Variants in PCDHA11 observed in about 807,000 individuals in gnomAD.
The protein encoded by PCDHA11 is protocadherin alpha 11.
In PCDHA11, 61 loss-of-function variants were observed where a neutral mutation model predicts 70.3. The observed-to-expected ratio is 0.87, with a 90% CI of 0.71 to 1.07. The LOEUF is 1.07. Ranked by LOEUF, PCDHA11 falls within the 50% of genes least tolerant of loss-of-function variation. PCDHA11 has a pLI of 0.00. For missense variants in PCDHA11, 1,324 were observed against 1,237.5 expected (o/e 1.07, Z -1.05); for synonymous variants, 633 against 555.1 (o/e 1.14, Z -1.97).
chr5:140,930,824 T>C (rs545304113), intron 1 of PCDHA11, among the ~76,000 whole-genome samples: 16 of 152,342 alleles, frequency 1.1e-4, no homozygotes, highest in African/African-American at 3.8e-4. Context: ...TAGTAAATGC[T>C]GACTGAATGA....
chr5:140,966,958 G>T (rs561982676), intron 1 of PCDHA11: 4 of 1,602,380 alleles, frequency 2.5e-6, no homozygotes, highest in African/African-American at 2.7e-5. Context: ...TGGCTCGCGC[G>T]CTGGGGCTTG....
intron 1 of PCDHA11, among the ~76,000 whole-genome samples, chr5:140,964,060 G>A (rs1187796756): frequency 6.6e-6 from 1 of 152,200 alleles, no homozygotes; most frequent in Non-Finnish European, 1.5e-5. Context: ...GTGTGGTCAA[G>A]GCATTAGTGT....
intron 1 of PCDHA11, chr5:140,875,499 G>A (rs782342111): frequency 1.9e-6 from 3 of 1,613,354 alleles, no homozygotes; most frequent in Non-Finnish European, 2.5e-6. Context: ...CAAGAGGCCC[G>A]GGATCCCAGC....
At chr5:140,959,688 T>G (rs1000595466) in intron 1 of PCDHA11, among the ~76,000 whole-genome samples, 20 of 152,318 alleles carry the variant, frequency 1.3e-4, no homozygotes, top group African/African-American at 4.8e-4. Flanking sequence ...ATAATTTCAA[T>G]AAAATGAGCT....
chr5:140,917,817 T>C (rs2078372214), intron 1 of PCDHA11, among the ~76,000 whole-genome samples: 1 of 152,162 alleles, frequency 6.6e-6, no homozygotes, highest in Non-Finnish European at 1.5e-5. Flanking sequence ...TAGTTGAAGT[T>C]GGGTAGTGTG....
chr5:141,002,128 C>T (rs1426506599), intron 3 of PCDHA11, among the ~76,000 whole-genome samples: 1 of 152,244 alleles, frequency 6.6e-6, no homozygotes, highest in African/African-American at 2.4e-5. Context: ...ATTTAATAGC[C>T]TTTGCCGGCT....
Position 140,919,359 on chromosome 5 carries a change from G to A in PCDHA11, c.2391+47865G>A, listed in dbSNP as rs188480486. Among the ~76,000 whole-genome samples, 421 of 152,262 alleles carry A rather than the reference G, an allele frequency of 2.8e-3. 2 individuals carry two copies. The highest frequency in any genetic ancestry group is 0.014 in the Middle Eastern group (4 of 294). ...TGTTTGTATCTTTGAATCTAAAAGTGTCTCCTGCAGACAACACATAGTTGG... is the reference window on the plus strand; with the variant it reads ...TGTTTGTATCTTTGAATCTAAAAGTATCTCCTGCAGACAACACATAGTTGG... On this transcript the variant is annotated intron_variant, in intron 1 of 3. Coordinates refer to ENST00000398640, the MANE Select transcript of PCDHA11 (RefSeq NM_018902.5).
chr5:140,876,759 T>A, intron 1 of PCDHA11: 1 of 1,614,146 alleles, frequency 6.2e-7, no homozygotes, highest in Non-Finnish European at 8.5e-7. Context: ...CTGCGCGGGA[T>A]GGGGGCTCGC....
intron 1 of PCDHA11, chr5:140,883,598 G>T (rs782009650): frequency 1.2e-6 from 2 of 1,614,008 alleles, no homozygotes; most frequent in Middle Eastern, 1.7e-4. Flanking sequence ...CGTGTCGGTG[G>T]GGGTGGCCGA....
intron 1 of PCDHA11, among the ~76,000 whole-genome samples, chr5:140,919,973 A>T (rs1554199334): frequency 7.5e-6 from 1 of 133,994 alleles, no homozygotes; most frequent in Non-Finnish European, 1.7e-5. Context: ...TAAATAAGAG[A>T]TAGAAGATGG....
chr5:140,877,095 C>G, intron 1 of PCDHA11: 1 of 1,613,330 alleles, frequency 6.2e-7, no homozygotes, highest in Admixed American at 1.7e-5. Flanking sequence ...GCGACGCCGG[C>G]GTGCCGCCTC....
intron 1 of PCDHA11, chr5:140,883,960 G>T (rs2059914384): frequency 3.1e-6 from 5 of 1,613,090 alleles, no homozygotes; most frequent in Non-Finnish European, 4.2e-6. Flanking sequence ...ACGCTCCGGC[G>T]CTGCTGACGC....
chr5:140,920,780 G>A lies in PCDHA11; in HGVS notation c.2391+49286G>A, dbSNP rs187594262. Among the ~76,000 whole-genome samples the A allele has an allele frequency of 7.9e-3, 1,202 of 151,454 alleles. 5 individuals carry two copies. Among genetic ancestry groups the A allele is most frequent in the African/African-American group, 0.019 (781 of 41,244 alleles). ...AATTGCTTACACCTGGGAGGTGGAG[G>A]TTGCAGGGAACCAAGATCACGCCAC... On this transcript the variant is annotated intron_variant, in intron 1 of 3. Transcript: ENST00000398640.
chr5:140,981,791 C>G (rs564396430), intron 2 of PCDHA11, among the ~76,000 whole-genome samples: 2 of 152,000 alleles, frequency 1.3e-5, no homozygotes, highest in Non-Finnish European at 2.9e-5. Flanking sequence ...GTTCTCTTTT[C>G]CCTTGAACAG....
At chr5:140,986,293 CAG>C (rs1447196504) in intron 3 of PCDHA11, among the ~76,000 whole-genome samples, 2 of 152,124 alleles carry the variant, frequency 1.3e-5, no homozygotes, top group Admixed American at 6.5e-5. Flanking sequence ...TGAGACTGAG[CAG>C]AGAGAGAAAA....
At chr5:140,896,823 T>C (rs1248229696) in intron 1 of PCDHA11, among the ~76,000 whole-genome samples, 1 of 152,230 alleles carries the variant, frequency 6.6e-6, no homozygotes, top group Non-Finnish European at 1.5e-5. Context: ...ACTCTGTTCA[T>C]AGTTGTTTTT....
At chr5:140,979,055 T>A (rs2096833782) in intron 2 of PCDHA11, 48 bp downstream of exon 2, 1 of 1,607,848 alleles carries the variant, frequency 6.2e-7, no homozygotes, top group Non-Finnish European at 8.5e-7. Flanking sequence ...TAACTTGGTA[T>A]GGCTCAGATA....
At position 140,876,752 on chromosome 5, in the gene PCDHA11, C is replaced by G. The variant is rs374137138; in HGVS notation, c.2391+5258C>G. On this transcript the variant is annotated intron_variant, in intron 1 of 3. Coordinates refer to ENST00000398640, the MANE Select transcript of PCDHA11 (RefSeq NM_018902.5). ...TCGGCCTATGAGCTGGTGGTGACTGCGCGGGATGGGGGCTCGCCTTCGCTG... is the reference window on the plus strand; with the variant it reads ...TCGGCCTATGAGCTGGTGGTGACTGGGCGGGATGGGGGCTCGCCTTCGCTG... 1.4e-5 allele frequency: 23 copies of G among 1,614,194 alleles called. No homozygotes were observed. The African/African-American group carries it at 2.8e-4, about 20-fold the overall frequency.
At position 140,923,318 on chromosome 5, in the gene PCDHA11, A is replaced by G. The variant is rs189105018; in HGVS notation, c.2391+51824A>G. Among the ~76,000 whole-genome samples the G allele has an allele frequency of 8.1e-3, 1,226 of 152,276 alleles. 6 individuals are homozygous for G. The highest frequency in any genetic ancestry group is 0.019 in the African/African-American group (794 of 41,558). On this transcript the variant is annotated intron_variant, in intron 1 of 3. Transcript: ENST00000398640. ...CTGGGCGTGGGGGCGCTTGGCCTAG[A>G]AGTTCAAGGACAGTTTGGGCAACAT...
Sources: gnomAD v4.1 joint callset for allele counts (sites outside exome capture counted in the v4.1 genomes callset) on GRCh38, gnomAD v4.1.1 for gene constraint, MANE v1.5 for transcripts, NCBI Gene and HGNC (gene_info 2026-07-23, HGNC 2026-07-21) for gene names.